Variants in SLC12A9 observed in about 807,000 individuals in gnomAD.
SLC12A9 encodes solute carrier family 12 member 9.
Under a neutral mutation model 66.0 loss-of-function variants are expected in SLC12A9, and 55 were observed. The ratio of observed to expected loss-of-function variants is 0.83; its 90% confidence interval spans 0.67 to 1.04. The LOEUF (loss-of-function observed/expected upper bound fraction) is 1.04, where lower values mean the gene tolerates loss of function less well. Ranked by LOEUF, SLC12A9 falls within the 50% of genes least tolerant of loss-of-function variation. The pLI, the probability that SLC12A9 is intolerant of heterozygous loss-of-function variation, is 0.00. For synonymous variants in SLC12A9, 577 were observed against 569.0 expected (o/e 1.01, Z -0.20); for missense variants, 1,061 against 1,241.9 (o/e 0.85, Z 2.19).
chr7:100,857,274 G>A, intron 5 of SLC12A9, 98 bp downstream of exon 5: 7 of 1,316,906 alleles, frequency 5.3e-6, no homozygotes, highest in Non-Finnish European at 7.4e-6. Flanking sequence ...GGTGTCAGAG[G>A]GAATGGAGGG....
At chr7:100,846,395 T>C (rs1192421335) in intron 1 of SLC12A9, among the ~76,000 whole-genome samples, 1 of 151,974 alleles carries the variant, frequency 6.6e-6, no homozygotes, top group African/African-American at 2.4e-5. Context: ...TGAAACCCTG[T>C]CTCTACTAAA....
intron 7 of SLC12A9, chr7:100,859,491 G>A (rs987919958): frequency 5.4e-6 from 2 of 369,942 alleles, no homozygotes; most frequent in Non-Finnish European, 9.9e-6. Context: ...TGAGGCAGGA[G>A]GATCGCTGGA....
chr7:100,834,483 T>G lies in SLC12A9; in HGVS notation n.228+7436T>G, dbSNP rs114856811. On this transcript the variant is annotated intron_variant and non_coding_transcript_variant, in intron 1 of 1. Transcript: ENST00000461016. ...TGAAGACTGAAGGCGGGGAAACCAG[T>G]GCAGCATCCAAGTGACTATGTGGGT... 9.1e-3 allele frequency among the ~76,000 whole-genome samples: 1,380 copies of G among 152,204 alleles called. 29 individuals carry two copies. Among genetic ancestry groups the G allele is most frequent in the African/African-American group, 0.032 (1,310 of 41,520 alleles).
chr7:100,846,286 G>T lies in SLC12A9; in HGVS notation n.229-13599G>T, dbSNP rs574294107. Among the ~76,000 whole-genome samples, 4 of 152,316 alleles carry T rather than the reference G, an allele frequency of 2.6e-5. No homozygotes were observed. The South Asian group carries it at 8.3e-4, about 32-fold the overall frequency. On this transcript the variant is annotated intron_variant and non_coding_transcript_variant, in intron 1 of 1. Transcript: ENST00000461016. Reference sequence around the variant, plus strand: ...CAAATGATAAAAAGCTTCATTGCAGGCCGGGCGCGGTGGCTCACGCCTGTA... The same window carrying T: ...CAAATGATAAAAAGCTTCATTGCAGTCCGGGCGCGGTGGCTCACGCCTGTA...
In SLC12A9 at chr7:100,866,053, G is replaced by A. The variant is rs750699929; in HGVS notation, c.2193G>A (p.Leu731=). 9.3e-6 allele frequency: 15 copies of A among 1,612,884 alleles called. No homozygotes were observed. The Admixed American group carries it at 1.5e-4, about 16-fold the overall frequency. Residue 731 remains leucine, a synonymous_variant, in exon 14 of 14, where the codon CTG becomes CTA. Coordinates refer to ENST00000354161, the MANE Select transcript of SLC12A9 (RefSeq NM_020246.4). This position sits in a 1 kb window ranked among gnomAD's most constrained non-coding sequence, Gnocchi z 7.3. ...ATGTGGACGTGTGGCCCCTCAACCT[G>A]CTGCGGCCCCGGGGTGGGCCCGGCT... ...LHHVDVWPLN[L]LRPRGGPGYV...
Position 100,828,650 on chromosome 7 carries a change from T to TG in SLC12A9, n.228+1610dup, listed in dbSNP as rs1018221113. ...CCTTCTCACTCTCACTCTCGTGTTT[T>TG]GGGGGGGCTTCCCCGCCGCCCGCAG... On this transcript the variant is annotated intron_variant and non_coding_transcript_variant, in intron 1 of 1. Transcript: ENST00000461016. 5.9e-5 allele frequency among the ~76,000 whole-genome samples: 9 copies of TG among 151,554 alleles called. No homozygotes were observed. The South Asian group carries it at 8.4e-4, about 14-fold the overall frequency.
At chr7:100,856,614 A>G (rs1814403937) in intron 4 of SLC12A9, 1 of 464,162 alleles carries the variant, frequency 2.2e-6, no homozygotes, top group African/African-American at 1.9e-5. Flanking sequence ...TCCCGGGCTC[A>G]TGCGATTCTC....
rs1484704625 is a variant in SLC12A9 at position 100,865,464 on chromosome 7, TC to T, written c.1859-253del. 3 of 1,534,036 alleles carry T rather than the reference TC, an allele frequency of 2.0e-6. No homozygotes were observed. The Admixed American group carries it at 5.9e-5, about 30-fold the overall frequency. ...TTGGAGTGCTCATTAGTGGCAAGAA[TC>T]CTAAGGCGAACTTTGCCTGTTTAAG... On this transcript the variant is annotated intron_variant, in intron 13 of 13. Transcript: ENST00000354161.
At chr7:100,855,493 C>T (rs779513690) in intron 3 of SLC12A9, 7 of 574,730 alleles carry the variant, frequency 1.2e-5, no homozygotes, top group South Asian at 1.9e-5. Flanking sequence ...TTGCCCTGCA[C>T]GTTGATGCCA....
At chr7:100,855,580 G>A in intron 3 of SLC12A9, 126 bp from the exon 4 acceptor site, 1 of 1,232,384 alleles carries the variant, frequency 8.1e-7, no homozygotes, top group Non-Finnish European at 1.2e-6. Context: ...GAGGATATGA[G>A]TGACTTGGGC....
chr7:100,840,886 G>A (rs561145357), intron 1 of SLC12A9, among the ~76,000 whole-genome samples: 30 of 138,836 alleles, frequency 2.2e-4, no homozygotes, highest in Non-Finnish European at 2.9e-5. Context: ...TGTAAACAAA[G>A]CCGTATCCGA....
chr7:100,866,341 C>G lies in SLC12A9; in HGVS notation c.2481C>G (p.Asp827Glu), dbSNP rs976903411. ...EGDFVNSGRG[D>E]AEAEALARSA... The stretch of plus-strand genomic sequence containing the variant: ...ACTTTGTGAACAGTGGGCGGGGAGA[C>G]GCAGAGGCAGAGGCCCTGGCACGCA... Residue 827 changes from aspartate (D) to glutamate (E), a missense_variant, in exon 14 of 14, where the codon GAC (aspartate) becomes GAG (glutamate). Physicochemically the swap from Asp to Glu is conservative, Grantham distance 45. Coordinates refer to ENST00000354161, the MANE Select transcript of SLC12A9 (RefSeq NM_020246.4). This position sits in a 1 kb window ranked among gnomAD's most constrained non-coding sequence, Gnocchi z 7.3. 1.3e-6 allele frequency: 2 copies of G among 1,506,886 alleles called. No individual in the cohort carries two copies. Among genetic ancestry groups the G allele is most frequent in the African/African-American group, 2.8e-5 (2 of 72,126 alleles). 93.3% of individuals were successfully genotyped at this position (1,506,886 alleles called of 1,614,324 possible). A position where few individuals can be genotyped will look rare whatever the true frequency, so the allele number is the denominator to read the frequency against.
chr7:100,866,060 C>T lies in SLC12A9; in HGVS notation c.2200C>T (p.Pro734Ser). The T allele has an allele frequency of 6.2e-7, 1 of 1,612,914 alleles. No homozygotes were observed. The highest frequency in any genetic ancestry group is 8.5e-7 in the Non-Finnish European group (1 of 1,179,866). The change falls in exon 14 of 14, where the codon CCC (proline) becomes TCC (serine). Residue 734 changes from proline to serine, a missense_variant. By Grantham distance (74) the Pro-to-Ser change is moderately conservative (BLOSUM62 -1). Transcript: ENST00000354161. The surrounding 1 kb of genome is among the most constrained non-coding windows in gnomAD (Gnocchi z 7.3). ...CGTGTGGCCCCTCAACCTGCTGCGG[C>T]CCCGGGGTGGGCCCGGCTATGTGGA... The part of the protein sequence containing the change: ...VDVWPLNLLR[P>S]RGGPGYVDVC...
intron 1 of SLC12A9, among the ~76,000 whole-genome samples, chr7:100,843,738 G>A (rs1813837804): frequency 6.6e-6 from 1 of 152,188 alleles, no homozygotes; most frequent in Non-Finnish European, 1.5e-5. Flanking sequence ...GGACCTCATT[G>A]GTTACAAATG....
At chr7:100,858,807 ACT>A in intron 5 of SLC12A9, 26 bp from the exon 6 acceptor site, 1 of 1,609,586 alleles carries the variant, frequency 6.2e-7, no homozygotes, top group South Asian at 1.1e-5. Context: ...ATGCTGATGC[ACT>A]CTCCTCCCTG....
chr7:100,856,946 G>A lies in SLC12A9; in HGVS notation c.527G>A (p.Gly176Asp). ...CTGCTGTATGGCTCCCTGCTGCTGG[G>A]CCTTGTGGGTGGGGTCTGCACCCTG... ...WNLLYGSLLLGLVGGVCTLGA... is the reference protein window; with the variant it reads ...WNLLYGSLLLDLVGGVCTLGA... The change falls in exon 5 of 14, where the codon GGC becomes GAC. Residue 176 changes from glycine to aspartate, a missense_variant. Transcript: ENST00000354161. The A allele has an allele frequency of 6.2e-7, 1 of 1,613,320 alleles. No homozygotes were observed.
At position 100,842,896 on chromosome 7, in the gene SLC12A9, G is replaced by A. The variant is rs368843616; in HGVS notation, n.228+15849G>A. ...TAAGTCATGCCAAGCTCTCTCTGCTGTATCCCTAAGTCTGGCACCCTGCGG... is the reference window on the plus strand; with the variant it reads ...TAAGTCATGCCAAGCTCTCTCTGCTATATCCCTAAGTCTGGCACCCTGCGG... On this transcript the variant is annotated intron_variant and non_coding_transcript_variant, in intron 1 of 1. Coordinates refer to the SLC12A9 transcript ENST00000461016. Among the ~76,000 whole-genome samples the A allele has an allele frequency of 5.8e-4, 89 of 152,350 alleles. 1 individual carries two copies. The East Asian group carries it at 0.015, about 26-fold the overall frequency.
At chr7:100,836,342 G>A (rs1813658338) in intron 1 of SLC12A9, among the ~76,000 whole-genome samples, 1 of 152,142 alleles carries the variant, frequency 6.6e-6, no homozygotes, top group Non-Finnish European at 1.5e-5. Context: ...GGGTGGGGCC[G>A]GCACCGAGGG....
chr7:100,841,189 A>G (rs1309172452), intron 1 of SLC12A9, among the ~76,000 whole-genome samples: 5 of 152,140 alleles, frequency 3.3e-5, no homozygotes, highest in Admixed American at 3.3e-4. Context: ...TAATAAGTCA[A>G]AAAGTTGAAG....
Sources: allele counts gnomAD v4.1 joint callset (sites outside exome capture counted in the v4.1 genomes callset), GRCh38; gene constraint gnomAD v4.1.1; non-coding constraint Gnocchi (gnomAD v3.1); transcripts MANE v1.5; gene names NCBI Gene and HGNC (gene_info 2026-07-23, HGNC 2026-07-21).